CCDC30: variants seen among roughly 807,000 people sequenced by gnomAD.
CCDC30 encodes the protein coiled-coil domain containing 30.
A neutral mutation model predicts 100.2 loss-of-function variants in CCDC30; 70 were observed. The observed-to-expected ratio is 0.70, with a 90% CI of 0.58 to 0.85. The LOEUF is 0.85. CCDC30 is among the 40% of genes least tolerant of loss of function. The pLI is 0.00. For missense variants in CCDC30, 652 were observed against 771.2 expected, an observed-to-expected ratio of 0.85 and a Z score of 1.83; for synonymous variants, 233 against 269.5, an observed-to-expected ratio of 0.86 and a Z score of 1.33.
chr1:42,497,141 G>A lies in CCDC30; in HGVS notation c.285G>A (p.Leu95=), dbSNP rs79495248. 765 of 1,234,260 alleles carry A rather than the reference G, an allele frequency of 6.2e-4. 10 individuals are homozygous for A. The African/African-American group carries it at 0.011, about 18-fold the overall frequency. The allele number at this position is 1,234,260 out of a possible 1,614,324, so 76.5% of individuals were successfully genotyped here. A position where few individuals can be genotyped will look rare whatever the true frequency, so the allele number is the denominator to read the frequency against. ...AAGCAAAGGAACAAAATCAGAGACT[G>A]GATGAGGAAATTCTGGCTTTAAGAA... Residue 95 remains leucine (L), a synonymous_variant, in exon 5 of 17, where the codon CTG becomes CTA. Transcript: ENST00000668663.
At chr1:42,558,268 T>A (rs1645414811) in intron 6 of CCDC30, 1 of 160,072 alleles carries the variant, frequency 6.2e-6, no homozygotes. Flanking sequence ...ATACAGTATC[T>A]CTGTTTTGGT....
chr1:42,485,243 A>G (rs1644031245), intron 3 of CCDC30, among the ~76,000 whole-genome samples: 1 of 152,192 alleles, frequency 6.6e-6, no homozygotes, highest in Non-Finnish European at 1.5e-5. Flanking sequence ...AAAACAAGGA[A>G]AACATCTTCA....
chr1:42,472,151 G>A (rs1643790633), intron 1 of CCDC30, among the ~76,000 whole-genome samples: 1 of 152,090 alleles, frequency 6.6e-6, no homozygotes, highest in African/African-American at 2.4e-5. Context: ...CTACTCAGGA[G>A]GCTGAGGCAG....
At chr1:42,648,423 C>T (rs1648065675) in intron 15 of CCDC30, among the ~76,000 whole-genome samples, 1 of 152,098 alleles carries the variant, frequency 6.6e-6, no homozygotes, top group African/African-American at 2.4e-5. Flanking sequence ...ATAATCCCAG[C>T]ACTTTGGGAG....
intron 6 of CCDC30, among the ~76,000 whole-genome samples, chr1:42,563,837 A>G (rs949425701): frequency 1.6e-4 from 24 of 152,040 alleles, no homozygotes; most frequent in South Asian, 2.1e-4. Context: ...AGATCGCACC[A>G]CTGCACTCCA....
intron 6 of CCDC30, 77 bp downstream of exon 10, chr1:42,556,482 C>T: frequency 7.0e-7 from 1 of 1,430,056 alleles, no homozygotes; most frequent in Non-Finnish European, 9.4e-7. Flanking sequence ...ATTTTAAATA[C>T]CATCATTCAT....
chr1:42,563,526 A>G (rs1480006954), intron 6 of CCDC30, among the ~76,000 whole-genome samples: 1 of 152,194 alleles, frequency 6.6e-6, no homozygotes, highest in Non-Finnish European at 1.5e-5. Flanking sequence ...TGGCACACGT[A>G]TATCTATGTA....
At chr1:42,637,997 A>G (rs944950878) in intron 12 of CCDC30, among the ~76,000 whole-genome samples, 1 of 152,214 alleles carries the variant, frequency 6.6e-6, no homozygotes, top group Non-Finnish European at 1.5e-5. Context: ...TGAGAACTCT[A>G]TCATCATTCC....
intron 6 of CCDC30, chr1:42,536,538 G>A: frequency 6.2e-7 from 1 of 1,613,660 alleles, no homozygotes; most frequent in Non-Finnish European, 8.5e-7. Context: ...AAGAGAGAGA[G>A]AGAGAGAAGC....
intron 11 of CCDC30, among the ~76,000 whole-genome samples, chr1:42,620,170 C>CTG (rs1379266212): frequency 4.6e-5 from 7 of 152,082 alleles, no homozygotes; most frequent in African/African-American, 1.7e-4. Flanking sequence ...TTTTAAATAA[C>CTG]TTCTCAGGAG....
intron 15 of CCDC30, among the ~76,000 whole-genome samples, chr1:42,650,638 AC>A: frequency 1.3e-5 from 2 of 151,998 alleles, no homozygotes; most frequent in Non-Finnish European, 2.9e-5. Flanking sequence ...ACAAACCCAC[AC>A]ATTTAAAATT....
chr1:42,550,253 A>C (rs1645223504), intron 6 of CCDC30, among the ~76,000 whole-genome samples: 3 of 152,174 alleles, frequency 2.0e-5, no homozygotes, highest in African/African-American at 7.2e-5. Context: ...ACTCCATAGC[A>C]CTGATATCAC....
rs576106079 is a variant in CCDC30 at position 42,485,520 on chromosome 1, G to A, written c.169+2704G>A. On this transcript the variant is annotated intron_variant, in intron 3 of 16. Transcript: ENST00000668663. ...TTAAAAATGGGCAAAAGGGCTGGGC[G>A]TGGTGACATGCACCTGTAGTCCTAG... Among the ~76,000 whole-genome samples the A allele has an allele frequency of 1.4e-4, 21 of 152,246 alleles. No individual in the cohort carries two copies. The South Asian group carries it at 3.9e-3, about 29-fold the overall frequency.
At chr1:42,628,910 G>T (rs1473860003) in intron 11 of CCDC30, among the ~76,000 whole-genome samples, 1 of 152,168 alleles carries the variant, frequency 6.6e-6, no homozygotes, top group African/African-American at 2.4e-5. Flanking sequence ...GAAGGAAAAA[G>T]AAAACTAATA....
chr1:42,600,543 C>A (rs1056487202), intron 10 of CCDC30, among the ~76,000 whole-genome samples: 1 of 152,178 alleles, frequency 6.6e-6, no homozygotes, highest in African/African-American at 2.4e-5. Flanking sequence ...AGACCACATT[C>A]TGGGCCATAA....
chr1:42,591,022 C>T, intron 10 of CCDC30: 1 of 152,324 alleles, frequency 6.6e-6, no homozygotes, highest in Non-Finnish European at 1.5e-5. Context: ...CAAGATGTGG[C>T]CTGACTCCTT....
chr1:42,635,869 C>T (rs1647144836), intron 11 of CCDC30, among the ~76,000 whole-genome samples: 1 of 151,608 alleles, frequency 6.6e-6, no homozygotes, highest in Non-Finnish European at 1.5e-5. Context: ...AGGCTGTTTT[C>T]TAAAGAGACT....
intron 12 of CCDC30, among the ~76,000 whole-genome samples, 175 bp downstream of exon 16, chr1:42,637,553 A>G (rs1647184523): frequency 6.6e-6 from 1 of 152,208 alleles, no homozygotes; most frequent in Non-Finnish European, 1.5e-5. Context: ...AAAAGTACAT[A>G]AGACTCCTAG....
intron 6 of CCDC30, among the ~76,000 whole-genome samples, chr1:42,552,432 C>A (rs1162921283): frequency 6.6e-6 from 1 of 152,000 alleles, no homozygotes; most frequent in African/African-American, 2.4e-5. Context: ...TCTTCTATGG[C>A]CATTATGTAT....
Sources: gnomAD v4.1 joint callset for allele counts (sites outside exome capture counted in the v4.1 genomes callset) on GRCh38, gnomAD v4.1.1 for gene constraint, MANE v1.5 for transcripts, NCBI Gene and HGNC (gene_info 2026-07-23, HGNC 2026-07-21) for gene names.